The following STXBP5L variants were observed in gnomAD, a reference collection of about 807,000 sequenced individuals.
The protein encoded by STXBP5L is syntaxin binding protein 5L.
STXBP5L carries 65 observed loss-of-function variants against 144.5 expected under a neutral mutation model. That is an observed-to-expected ratio of 0.45 (90% CI 0.37 to 0.55). STXBP5L has a LOEUF of 0.55. STXBP5L is among the 20% of genes least tolerant of loss of function. The pLI is 0.00. For synonymous variants in STXBP5L, 505 were observed against 469.6 expected, an observed-to-expected ratio of 1.08 and a Z score of -0.97; for missense variants, 1,298 against 1,405.5, an observed-to-expected ratio of 0.92 and a Z score of 1.22.
intron 3 of STXBP5L, among the ~76,000 whole-genome samples, chr3:120,992,162 T>C (rs1270103523): frequency 6.6e-6 from 1 of 152,110 alleles, no homozygotes; most frequent in African/African-American, 2.4e-5. Flanking sequence ...TTTATTTATT[T>C]TTAGATTGAT....
intron 5 of STXBP5L, among the ~76,000 whole-genome samples, chr3:121,059,950 G>C (rs993719830): frequency 6.6e-6 from 1 of 152,054 alleles, no homozygotes; most frequent in Non-Finnish European, 1.5e-5. Flanking sequence ...CTTCCTATTT[G>C]AATACCCTAT....
rs895771920 is a variant in STXBP5L, at chr3:121,349,651, G to A, written c.2177-29065G>A. Among the ~76,000 whole-genome samples the A allele has an allele frequency of 7.2e-5, 11 of 151,826 alleles. No homozygotes were observed. In the East Asian group the frequency reaches 9.6e-4, roughly 13 times the overall value. The stretch of plus-strand genomic sequence containing the variant: ...TGAATCTGGGTACCCCTGTATTGGG[G>A]GCATATATATTTAGGATAGTTAGCT... On this transcript the variant is annotated intron_variant, in intron 20 of 26. Transcript: ENST00000471454.
At chr3:121,051,099 C>T (rs970330970) in intron 5 of STXBP5L, among the ~76,000 whole-genome samples, 3 of 152,092 alleles carry the variant, frequency 2.0e-5, no homozygotes, top group Non-Finnish European at 4.4e-5. Flanking sequence ...TCCTGAGTGA[C>T]CTACAAAGAG....
At chr3:121,387,222 C>G (rs761614298) in intron 22 of STXBP5L, among the ~76,000 whole-genome samples, 3 of 152,146 alleles carry the variant, frequency 2.0e-5, no homozygotes, top group Admixed American at 6.5e-5. Flanking sequence ...AGTGTCTGTT[C>G]AAATCCTTTG....
intron 5 of STXBP5L, among the ~76,000 whole-genome samples, chr3:121,096,471 G>A (rs142558331): frequency 6.6e-6 from 1 of 152,086 alleles, no homozygotes; most frequent in Admixed American, 6.5e-5. Flanking sequence ...CTTTGCACTG[G>A]TTTCTCCCCA....
chr3:121,357,015 G>T, intron 20 of STXBP5L: 1 of 198,786 alleles, frequency 5.0e-6, no homozygotes, highest in South Asian at 1.0e-4. Flanking sequence ...GTTTTTCCTA[G>T]AGCCAATCAC....
At chr3:121,172,885 G>A (rs993221470) in intron 9 of STXBP5L, among the ~76,000 whole-genome samples, 1 of 152,186 alleles carries the variant, frequency 6.6e-6, no homozygotes, top group Admixed American at 6.5e-5. Flanking sequence ...GCACATGTAT[G>A]TTTATTATAG....
At chr3:121,109,002 G>GTTGGCATATTTGCATAC (rs1559756198) in intron 5 of STXBP5L, among the ~76,000 whole-genome samples, 1 of 152,034 alleles carries the variant, frequency 6.6e-6, no homozygotes, top group African/African-American at 2.4e-5. Context: ...TATTTGCATA[G>GTTGGCATATTTGCATAC]TATGCAAATA....
chr3:121,227,353 G>C (rs1437398229), intron 11 of STXBP5L, among the ~76,000 whole-genome samples: 1 of 152,166 alleles, frequency 6.6e-6, no homozygotes, highest in Non-Finnish European at 1.5e-5. Context: ...GGCTGTGTGG[G>C]AGAATAGCTT....
intron 22 of STXBP5L, among the ~76,000 whole-genome samples, chr3:121,389,131 G>C (rs2046507412): frequency 6.6e-6 from 1 of 152,172 alleles, no homozygotes; most frequent in South Asian, 2.1e-4. Flanking sequence ...GGGTGTATGT[G>C]TCCAGGAATT....
chr3:121,024,984 A>T (rs1181719120), intron 3 of STXBP5L, among the ~76,000 whole-genome samples: 1 of 152,124 alleles, frequency 6.6e-6, no homozygotes, highest in Admixed American at 6.6e-5. Context: ...TGTTAAAATG[A>T]TAGTTTAAAT....
intron 20 of STXBP5L, among the ~76,000 whole-genome samples, chr3:121,333,604 GA>G (rs142216609): frequency 2.7e-5 from 4 of 147,170 alleles, no homozygotes; most frequent in Non-Finnish European, 4.5e-5. Flanking sequence ...CTGGATTTTT[GA>G]AAAAAAAATA....
chr3:121,363,658 G>C (rs1442711044), intron 20 of STXBP5L, among the ~76,000 whole-genome samples: 4 of 151,784 alleles, frequency 2.6e-5, no homozygotes, highest in African/African-American at 9.7e-5. Flanking sequence ...ATTCAGAACT[G>C]TTTTTTCTAT....
At chr3:120,995,547 T>G (rs1943275404) in intron 3 of STXBP5L, among the ~76,000 whole-genome samples, 2 of 152,156 alleles carry the variant, frequency 1.3e-5, no homozygotes, top group Non-Finnish European at 2.9e-5. Flanking sequence ...TATGTTGTTT[T>G]GAGTATATTG....
chr3:121,008,852 T>G (rs1199867218), intron 3 of STXBP5L, among the ~76,000 whole-genome samples: 1 of 152,068 alleles, frequency 6.6e-6, no homozygotes, highest in African/African-American at 2.4e-5. Flanking sequence ...AATCCATATT[T>G]AGAATATGTA....
chr3:121,102,480 A>T (rs2043482321), intron 5 of STXBP5L, among the ~76,000 whole-genome samples: 1 of 152,188 alleles, frequency 6.6e-6, no homozygotes, highest in South Asian at 2.1e-4. Context: ...CCTATTCAAT[A>T]AATGGTGCTG....
intron 3 of STXBP5L, among the ~76,000 whole-genome samples, chr3:121,008,150 A>G (rs779682859): frequency 1.3e-5 from 2 of 151,684 alleles, no homozygotes; most frequent in Non-Finnish European, 2.9e-5. Context: ...TGCTTTCTCC[A>G]TTTGCTTATA....
At position 121,185,948 on chromosome 3, in the gene STXBP5L, T is replaced by G. The variant is rs558268034; in HGVS notation, c.878-19975T>G. 1.4e-4 allele frequency among the ~76,000 whole-genome samples: 21 copies of G among 152,306 alleles called. No individual in the cohort carries two copies. The South Asian group carries it at 3.9e-3, about 29-fold the overall frequency. ...CCATGATCATAGAATGTTCTTCCAT[T>G]TGTTTGTATCCTCTTTTATTTCACT... On this transcript the variant is annotated intron_variant, in intron 9 of 26. Transcript: ENST00000471454.
chr3:121,024,953 C>A (rs899817225), intron 3 of STXBP5L, among the ~76,000 whole-genome samples: 9 of 152,074 alleles, frequency 5.9e-5, no homozygotes, highest in Non-Finnish European at 1.0e-4. Flanking sequence ...CAGTATCATT[C>A]TAATATTGTA....
Sources: allele counts gnomAD v4.1 joint callset (sites outside exome capture counted in the v4.1 genomes callset), GRCh38; gene constraint gnomAD v4.1.1; transcripts MANE v1.5; gene names NCBI Gene and HGNC (gene_info 2026-07-23, HGNC 2026-07-21).